GPHN: variants seen among roughly 807,000 people sequenced by gnomAD.
GPHN encodes the protein gephyrin.
In GPHN, 17 loss-of-function variants were observed where a neutral mutation model predicts 95.5. That is an observed-to-expected ratio of 0.18 (90% CI 0.12 to 0.27). The LOEUF is 0.27. Ranked by LOEUF, GPHN falls within the 10% of genes least tolerant of loss-of-function variation. The probability of loss-of-function intolerance (pLI) is 1.00; values close to 1 mark genes in which losing one functional copy is unlikely to be tolerated. For missense variants in GPHN, 660 were observed against 978.1 expected (o/e 0.67, Z 4.34); for synonymous variants, 320 against 322.5 (o/e 0.99, Z 0.08).
At chr14:67,224,713 A>G in the GPHN span, 1 of 292,666 alleles carries the variant, frequency 3.4e-6, no homozygotes, top group East Asian at 1.2e-4. Context: ...AAGGATAGAG[A>G]TTCAAGAAAA....
chr14:66,612,883 T>C (rs2062842973), intron 1 of GPHN, among the ~76,000 whole-genome samples: 3 of 152,170 alleles, frequency 2.0e-5, no homozygotes, highest in Admixed American at 1.3e-4. Context: ...CAATAGTCCA[T>C]TCCATTTTAT....
chr14:67,292,372 A>G, the GPHN span: 2,149 of 591,410 alleles, frequency 3.6e-3, 72 homozygotes, highest in South Asian at 0.045. Flanking sequence ...AATGACCATG[A>G]TTGACAATAA....
the GPHN span, among the ~76,000 whole-genome samples, chr14:67,715,431 G>T: frequency 6.6e-6 from 1 of 152,178 alleles, no homozygotes; most frequent in East Asian, 1.9e-4. Context: ...TCCTGATGTT[G>T]GATGCCTATG....
At chr14:67,191,619 C>T in the GPHN span, among the ~76,000 whole-genome samples, 1 of 152,184 alleles carries the variant, frequency 6.6e-6, no homozygotes, top group Non-Finnish European at 1.5e-5. Flanking sequence ...ACAGGGTGAA[C>T]AATCCCATAT....
the GPHN span, among the ~76,000 whole-genome samples, chr14:67,365,370 A>G: frequency 1.3e-5 from 2 of 152,250 alleles, no homozygotes; most frequent in Admixed American, 6.5e-5. Context: ...CTTGATTTAA[A>G]GCTAAAATAG....
the GPHN span, among the ~76,000 whole-genome samples, chr14:67,372,494 A>G: frequency 2.0e-5 from 3 of 152,214 alleles, no homozygotes; most frequent in African/African-American, 7.2e-5. Context: ...GAGAATAAAA[A>G]GACAAACCAG....
chr14:67,460,748 G>C, the GPHN span, among the ~76,000 whole-genome samples: 1 of 152,248 alleles, frequency 6.6e-6, no homozygotes, highest in Admixed American at 6.5e-5. Flanking sequence ...CATGTAGTAG[G>C]ATATTCATAG....
intron 1 of GPHN, among the ~76,000 whole-genome samples, chr14:66,663,864 G>A (rs1182786133): frequency 6.6e-6 from 1 of 152,108 alleles, no homozygotes; most frequent in African/African-American, 2.4e-5. Flanking sequence ...AACCAACAAA[G>A]ATCAATAAAG....
chr14:66,977,234 A>G (rs1224866054), intron 9 of GPHN, among the ~76,000 whole-genome samples: 1 of 152,152 alleles, frequency 6.6e-6, no homozygotes, highest in Non-Finnish European at 1.5e-5. Flanking sequence ...GATCGAGACC[A>G]TCCTGACTAA....
chr14:67,353,016 A>C, the GPHN span: 1 of 1,613,870 alleles, frequency 6.2e-7, no homozygotes, highest in Non-Finnish European at 8.5e-7. Flanking sequence ...CTCCCTTTAA[A>C]CGAGCCTTCA....
the GPHN span, among the ~76,000 whole-genome samples, chr14:67,510,139 G>C: frequency 6.6e-6 from 1 of 152,242 alleles, no homozygotes; most frequent in African/African-American, 2.4e-5. Flanking sequence ...TTCCAGCTGT[G>C]AGATGGGGAT....
At chr14:67,176,970 C>G (rs1219171789) in intron 21 of GPHN, among the ~76,000 whole-genome samples, 2 of 152,040 alleles carry the variant, frequency 1.3e-5, no homozygotes, top group Non-Finnish European at 2.9e-5. Flanking sequence ...TCTCTCTTTT[C>G]TTCTTTGTTA....
At chr14:66,954,901 C>A (rs2068381462) in intron 8 of GPHN, among the ~76,000 whole-genome samples, 2 of 152,138 alleles carry the variant, frequency 1.3e-5, no homozygotes, top group African/African-American at 4.8e-5. Flanking sequence ...ATTCTGTTAA[C>A]ATGGTGTATT....
the GPHN span, among the ~76,000 whole-genome samples, chr14:67,641,110 G>T: frequency 6.6e-6 from 1 of 152,178 alleles, no homozygotes; most frequent in Non-Finnish European, 1.5e-5. Flanking sequence ...TTGTCCACAT[G>T]GGTGGCTGTG....
At chr14:67,663,849 G>C in the GPHN span, among the ~76,000 whole-genome samples, 2 of 151,964 alleles carry the variant, frequency 1.3e-5, no homozygotes, top group African/African-American at 2.4e-5. Flanking sequence ...TGCCAGGTTC[G>C]GGCCTGCCTC....
the GPHN span, chr14:67,725,920 T>C: frequency 5.3e-6 from 4 of 752,368 alleles, no homozygotes; most frequent in Non-Finnish European, 9.8e-6. Flanking sequence ...GCAGAGCAAG[T>C]GACTCCTATC....
the GPHN span, chr14:67,387,589 G>A: frequency 2.6e-5 from 24 of 939,842 alleles, no homozygotes; most frequent in African/African-American, 3.4e-5. Context: ...AAGGTTTACA[G>A]TTAGAGAATC....
At chr14:66,559,881 T>C (rs2060159094) in intron 1 of GPHN, among the ~76,000 whole-genome samples, 1 of 152,202 alleles carries the variant, frequency 6.6e-6, no homozygotes, top group African/African-American at 2.4e-5. Flanking sequence ...AGGTCTAACA[T>C]GTAAGTCTTT....
intron 4 of GPHN, among the ~76,000 whole-genome samples, chr14:66,847,097 C>T (rs1414462120): frequency 6.6e-6 from 1 of 152,118 alleles, no homozygotes; most frequent in Non-Finnish European, 1.5e-5. Context: ...CAGTACTTCA[C>T]ACTGATTCCT....
Sources: gnomAD v4.1 joint callset for allele counts (sites outside exome capture counted in the v4.1 genomes callset) on GRCh38, gnomAD v4.1.1 for gene constraint, MANE v1.5 for transcripts, NCBI Gene and HGNC (gene_info 2026-07-23, HGNC 2026-07-21) for gene names.